The following SHISAL2A variants were observed in gnomAD, a reference collection of about 807,000 sequenced individuals.
The protein encoded by SHISAL2A is protein shisa-like-2A.
A neutral mutation model predicts 11.5 loss-of-function variants in SHISAL2A; 18 were observed. That is an observed-to-expected ratio of 1.57 (90% CI 1.08 to 2.33). The LOEUF is 2.33. Ranked by LOEUF, SHISAL2A falls within the 30% of genes most tolerant of loss-of-function variation. SHISAL2A has a pLI of 0.00. For missense variants in SHISAL2A, 261 were observed against 250.9 expected (o/e 1.04, Z -0.27); for synonymous variants, 94 against 99.6 (o/e 0.94, Z 0.34).
chr1:52,645,842 A>G (rs1691488813), intron 2 of SHISAL2A, among the ~76,000 whole-genome samples: 1 of 152,262 alleles, frequency 6.6e-6, no homozygotes, highest in Non-Finnish European at 1.5e-5. Flanking sequence ...ATACATAAAA[A>G]TAAATAAAAA....
chr1:52,653,606 G>A (rs572424068), intron 2 of SHISAL2A, among the ~76,000 whole-genome samples: 70 of 151,976 alleles, frequency 4.6e-4, no homozygotes, highest in African/African-American at 1.7e-3. Flanking sequence ...GGAGACCCCT[G>A]TCTCTAAAAA....
At chr1:52,641,043 C>T (rs556423095) in intron 1 of SHISAL2A, among the ~76,000 whole-genome samples, 9 of 152,144 alleles carry the variant, frequency 5.9e-5, no homozygotes, top group Non-Finnish European at 1.0e-4. Context: ...TTGCTGAACA[C>T]GTGGAGGTCC....
chr1:52,667,846 T>C (rs755918776), intron 5 of SHISAL2A, among the ~76,000 whole-genome samples: 2 of 152,188 alleles, frequency 1.3e-5, no homozygotes, highest in Non-Finnish European at 2.9e-5. Flanking sequence ...AGTTGAGTTC[T>C]AGAGAGAAAT....
At chr1:52,634,780 G>A (rs1458817162) in intron 1 of SHISAL2A, among the ~76,000 whole-genome samples, 1 of 152,194 alleles carries the variant, frequency 6.6e-6, no homozygotes, top group African/African-American at 2.4e-5. Flanking sequence ...GGAAAGGACA[G>A]TGTCCTATGC....
At chr1:52,652,506 G>A (rs1015167977) in intron 2 of SHISAL2A, among the ~76,000 whole-genome samples, 8 of 151,990 alleles carry the variant, frequency 5.3e-5, no homozygotes, top group Non-Finnish European at 8.8e-5. Context: ...ATCCATGGAA[G>A]GTAATCAGGA....
At chr1:52,650,975 A>G (rs1571693203) in intron 2 of SHISAL2A, among the ~76,000 whole-genome samples, 1 of 146,428 alleles carries the variant, frequency 6.8e-6, no homozygotes, top group East Asian at 2.0e-4. Flanking sequence ...ACAGCTTCCC[A>G]CATAAGCCAA....
intron 1 of SHISAL2A, among the ~76,000 whole-genome samples, chr1:52,638,040 A>G (rs1247715533): frequency 6.6e-6 from 1 of 152,142 alleles, no homozygotes; most frequent in Non-Finnish European, 1.5e-5. Context: ...AACAACTCGG[A>G]TCATTTGAAG....
At chr1:52,655,651 G>A (rs537414970) in intron 2 of SHISAL2A, among the ~76,000 whole-genome samples, 1 of 152,062 alleles carries the variant, frequency 6.6e-6, no homozygotes, top group African/African-American at 2.4e-5. Flanking sequence ...TTTTGAAAAA[G>A]GATATATAGG....
At chr1:52,655,850 G>A (rs1248409457) in intron 2 of SHISAL2A, among the ~76,000 whole-genome samples, 2 of 152,198 alleles carry the variant, frequency 1.3e-5, no homozygotes, top group Admixed American at 1.3e-4. Flanking sequence ...CAGCATGGAG[G>A]ACGTGATGGA....
chr1:52,658,937 G>A (rs1478451573), downstream of SHISAL2A, among the ~76,000 whole-genome samples: 2 of 152,232 alleles, frequency 1.3e-5, no homozygotes, highest in Non-Finnish European at 2.9e-5. Flanking sequence ...TGATGGGGTG[G>A]CAAGACAGGG....
rs867196749 is a variant in SHISAL2A, at chr1:52,663,665, G to T, written n.696-3734G>T. On this transcript the variant is annotated intron_variant and non_coding_transcript_variant, in intron 4 of 5. Transcript: ENST00000401050. ...GATCCCAGCTACTCGGGAAGCTGAC[G>T]CAGGAGAATCGCTTGAACCTGGGAG... 6.5e-4 allele frequency among the ~76,000 whole-genome samples: 99 copies of T among 152,316 alleles called. No individual in the cohort carries two copies. In the Middle Eastern group the frequency reaches 0.017, roughly 26 times the overall value.
chr1:52,649,438 G>A (rs1420381644), intron 2 of SHISAL2A, among the ~76,000 whole-genome samples: 1 of 152,172 alleles, frequency 6.6e-6, no homozygotes, highest in Admixed American at 6.5e-5. Context: ...TCTGAGTATG[G>A]AGGCAAGGGT....
At chr1:52,661,514 G>T (rs1231576252), downstream of SHISAL2A, among the ~76,000 whole-genome samples, 1 of 152,224 alleles carries the variant, frequency 6.6e-6, no homozygotes. Context: ...GACAGCCAAA[G>T]CCAGGCTGCA....
chr1:52,666,583 C>T (rs941935637), intron 4 of SHISAL2A, among the ~76,000 whole-genome samples: 71 of 150,472 alleles, frequency 4.7e-4, no homozygotes, highest in South Asian at 2.5e-3. Flanking sequence ...TGCACACGCG[C>T]GTGTGTGTGT....
chr1:52,653,745 C>T (rs1691725904), intron 2 of SHISAL2A, among the ~76,000 whole-genome samples: 1 of 152,026 alleles, frequency 6.6e-6, no homozygotes. Flanking sequence ...TTGCAACCCG[C>T]CCTTTTTTTT....
chr1:52,639,358 T>TATGC (rs1290120837), intron 1 of SHISAL2A, among the ~76,000 whole-genome samples: 3 of 152,212 alleles, frequency 2.0e-5, no homozygotes. Flanking sequence ...TATGTATACT[T>TATGC]ATTTAGTTAA....
chr1:52,665,443 C>T (rs1397478674), intron 4 of SHISAL2A, among the ~76,000 whole-genome samples: 1 of 152,126 alleles, frequency 6.6e-6, no homozygotes, highest in Non-Finnish European at 1.5e-5. Flanking sequence ...GCAGTTGTCC[C>T]CGATGTCTTC....
intron 4 of SHISAL2A, among the ~76,000 whole-genome samples, chr1:52,664,347 C>A (rs552738299): frequency 3.3e-5 from 5 of 149,272 alleles, no homozygotes; most frequent in Non-Finnish European, 7.4e-5. Flanking sequence ...CCGGCCACCA[C>A]GCCCAGCTAA....
intron 2 of SHISAL2A, 121 bp downstream of exon 2, chr1:52,643,123 G>T: frequency 1.1e-6 from 1 of 941,058 alleles, no homozygotes; most frequent in Non-Finnish European, 1.6e-6. Flanking sequence ...ATATGCAGAA[G>T]CAGCGGCACA....
Sources: allele counts gnomAD v4.1 joint callset (sites outside exome capture counted in the v4.1 genomes callset), GRCh38; gene constraint gnomAD v4.1.1; transcripts MANE v1.5; gene names NCBI Gene and HGNC (gene_info 2026-07-23, HGNC 2026-07-21).